CELF2: variants seen among roughly 807,000 people sequenced by gnomAD.
The protein encoded by CELF2 is CUGBP Elav-like family member 2.
In CELF2, 8 loss-of-function variants were observed where a neutral mutation model predicts 62.6. The ratio of observed to expected loss-of-function variants is 0.13; its 90% CI spans 0.07 to 0.23. The LOEUF (loss-of-function observed/expected upper bound fraction) is 0.23. Among genes scored for constraint, CELF2 ranks in the 10% least tolerant of loss-of-function variants. The pLI is 1.00. For synonymous variants in CELF2, 258 were observed against 250.0 expected (o/e 1.03, Z -0.30); for missense variants, 333 against 671.0 (o/e 0.50, Z 5.56).
chr10:10,575,318 C>T, the CELF2 span, among the ~76,000 whole-genome samples: 1 of 152,274 alleles, frequency 6.6e-6, no homozygotes, highest in African/African-American at 2.4e-5. Context: ...CTAATCCATG[C>T]TTTGCATTTA....
At position 11,039,111 on chromosome 10, in the gene CELF2, G is replaced by A. The variant is rs57813983; in HGVS notation, c.74+20948G>A. Among the ~76,000 whole-genome samples, 43 of 152,280 alleles carry A rather than the reference G, an allele frequency of 2.8e-4. No individual in the cohort carries two copies. The East Asian group carries it at 5.8e-3, about 21-fold the overall frequency. On this transcript the variant is annotated intron_variant, in intron 1 of 12. Transcript: ENST00000633077. This position sits in a 1 kb window ranked among gnomAD's most constrained non-coding sequence, Gnocchi z 4.1. ...ACTCTCATGGCATCGACCATGTAAC[G>A]GCGATAACAGCCGAGTCCTGTGTCA...
chr10:10,886,033 C>T (rs1317549064), intron 1 of CELF2, among the ~76,000 whole-genome samples: 1 of 152,206 alleles, frequency 6.6e-6, no homozygotes, highest in African/African-American at 2.4e-5. Context: ...AAGAACTCAT[C>T]TTTCCCACGT....
chr10:11,159,168 GT>G lies in CELF2; in HGVS notation c.75-6315del, dbSNP rs2065147452. On this transcript the variant is annotated intron_variant, in intron 1 of 12. Transcript: ENST00000633077. This position sits in a 1 kb window ranked among gnomAD's most constrained non-coding sequence, Gnocchi z 5.0. The stretch of plus-strand genomic sequence containing the variant: ...AATTTATGTGGCAGTGACTCAAAAG[GT>G]TTAGTACACATGATAAATGGTAACA... Among the ~76,000 whole-genome samples the G allele has an allele frequency of 1.3e-5, 2 of 152,200 alleles. No individual in the cohort carries two copies. Among genetic ancestry groups the G allele is most frequent in the South Asian group, 4.1e-4 (2 of 4,830 alleles).
the CELF2 span, among the ~76,000 whole-genome samples, chr10:10,577,804 T>A: frequency 1.3e-5 from 2 of 152,192 alleles, no homozygotes; most frequent in South Asian, 4.2e-4. Context: ...ATTGTGAATA[T>A]TGCCACAATA....
chr10:10,950,575 A>G (rs945039546), intron 2 of CELF2, among the ~76,000 whole-genome samples: 2 of 152,174 alleles, frequency 1.3e-5, no homozygotes, highest in Non-Finnish European at 2.9e-5. Context: ...CATATAGAAG[A>G]ATGGCAGAAT....
At chr10:11,006,078 G>C (rs2055208360) in intron 1 of CELF2, among the ~76,000 whole-genome samples, 1 of 152,104 alleles carries the variant, frequency 6.6e-6, no homozygotes, top group African/African-American at 2.4e-5. Flanking sequence ...CTGACCTTTT[G>C]GGAAGCAGAG....
intron 7 of CELF2, 100 bp from the exon 8 acceptor site, chr10:11,274,957 A>T (rs2085441231): frequency 1.7e-6 from 2 of 1,155,674 alleles, no homozygotes; most frequent in African/African-American, 3.0e-5. Flanking sequence ...AGTAGCAACC[A>T]ACCCTGGAAA....
intron 1 of CELF2, among the ~76,000 whole-genome samples, chr10:10,894,974 G>A (rs753643641): frequency 1.8e-4 from 28 of 152,268 alleles, no homozygotes; most frequent in Non-Finnish European, 2.8e-4. Flanking sequence ...ATATGAGTCC[G>A]TATTCATTGA....
chr10:11,019,117 C>T (rs2057869136), intron 1 of CELF2, among the ~76,000 whole-genome samples: 1 of 152,126 alleles, frequency 6.6e-6, no homozygotes. Context: ...TAATTTTTAG[C>T]TGGCTTGATA....
At chr10:10,540,177 T>C in the CELF2 span, among the ~76,000 whole-genome samples, 3 of 152,180 alleles carry the variant, frequency 2.0e-5, no homozygotes, top group African/African-American at 4.8e-5. Context: ...AAAGTGAAGT[T>C]TTAACAGTGT....
intron 2 of CELF2, among the ~76,000 whole-genome samples, chr10:10,961,521 C>A (rs1040822265): frequency 6.6e-6 from 1 of 151,578 alleles, no homozygotes; most frequent in South Asian, 2.1e-4. Flanking sequence ...CTGAGGTGAG[C>A]GGATCACGTG....
At chr10:10,528,207 A>G in the CELF2 span, among the ~76,000 whole-genome samples, 3 of 152,160 alleles carry the variant, frequency 2.0e-5, no homozygotes, top group Non-Finnish European at 4.4e-5. Flanking sequence ...ATACAGCAGA[A>G]AGGAATAAGT....
intron 1 of CELF2, among the ~76,000 whole-genome samples, chr10:11,151,877 C>T (rs1474049702): frequency 6.6e-6 from 1 of 152,244 alleles, no homozygotes; most frequent in Non-Finnish European, 1.5e-5. Flanking sequence ...TCACTCGGGT[C>T]ATGCTCCATC....
At position 11,316,192 on chromosome 10, in the gene CELF2, T is replaced by G. The variant is rs1308872763; in HGVS notation, c.1096+1934T>G. 3.3e-5 allele frequency among the ~76,000 whole-genome samples: 5 copies of G among 152,248 alleles called. No individual in the cohort carries two copies. Among genetic ancestry groups the G allele is most frequent in the Admixed American group, 2.0e-4 (3 of 15,292 alleles). On this transcript the variant is annotated intron_variant, in intron 10 of 12. Transcript: ENST00000633077. This position sits in a 1 kb window ranked among gnomAD's most constrained non-coding sequence, Gnocchi z 4.4. ...CAAGGACAACAGGCTTAAATTGTTT[T>G]GCTTTTTAAAATTCTTTGCCAATGG...
chr10:10,931,656 T>C lies in CELF2; in HGVS notation c.89+11657T>C, dbSNP rs1015740315. ...TTTCAACGTAATAGGTTTCTGCGTA[T>C]GGTTTACAAGTTTTTAAAATACATA... On this transcript the variant is annotated intron_variant, in intron 2 of 13. Transcript: ENST00000636488. The surrounding 1 kb of genome is among the most constrained non-coding windows in gnomAD (Gnocchi z 6.1). Among the ~76,000 whole-genome samples the C allele has an allele frequency of 1.3e-5, 2 of 152,230 alleles. No individual in the cohort carries two copies. Among genetic ancestry groups the C allele is most frequent in the South Asian group, 4.1e-4 (2 of 4,834 alleles).
chr10:11,270,346 G>A lies in CELF2; in HGVS notation c.619-320G>A, dbSNP rs956666862. 5.3e-5 allele frequency among the ~76,000 whole-genome samples: 8 copies of A among 152,154 alleles called. No individual in the cohort carries two copies. The highest frequency in any genetic ancestry group is 4.4e-5 in the Non-Finnish European group (3 of 68,034). ...TGAGAAGCTCAATTAAAGAACCTTGGTAAGGTCTGTTGTCTGTAAGGAGGT... is the reference window on the plus strand; with the variant it reads ...TGAGAAGCTCAATTAAAGAACCTTGATAAGGTCTGTTGTCTGTAAGGAGGT... On this transcript the variant is annotated intron_variant, in intron 6 of 12. Transcript: ENST00000633077. The surrounding 1 kb of genome is among the most constrained non-coding windows in gnomAD (Gnocchi z 5.8).
chr10:10,491,606 A>G, the CELF2 span, among the ~76,000 whole-genome samples: 1 of 152,208 alleles, frequency 6.6e-6, no homozygotes, highest in Non-Finnish European at 1.5e-5. Flanking sequence ...TCTTACTTTC[A>G]TGATGGAGCA....
In CELF2 at chr10:11,218,209, T is replaced by C. The variant is rs1329216064; in HGVS notation, c.354+702T>C. Among the ~76,000 whole-genome samples, 3 of 152,248 alleles carry C rather than the reference T, an allele frequency of 2.0e-5. No individual in the cohort carries two copies. The East Asian group carries it at 5.8e-4, about 29-fold the overall frequency. ...TATTAATTTCCTGATGCTGTTTGAA[T>C]GTTTTCCCCATTGACCCAAATATCA... On this transcript the variant is annotated intron_variant, in intron 3 of 12. Transcript: ENST00000633077.
rs1240378784 is a variant in CELF2, at chr10:11,196,986, AAAGAAAGG to A, written c.272-20435_272-20428del. Among the ~76,000 whole-genome samples, 37 of 73,650 alleles carry A rather than the reference AAAGAAAGG, an allele frequency of 5.0e-4. 6 individuals are homozygous for A. Among genetic ancestry groups the A allele is most frequent in the African/African-American group, 1.8e-3 (37 of 20,738 alleles). The allele number at this position is 73,650 out of a possible 152,430, so 48.3% of individuals were successfully genotyped here. On this transcript the variant is annotated intron_variant, in intron 2 of 12. Transcript: ENST00000633077. ...AAGAAAAAGAAAGAAAGAGAGAAAGAAAGAAAGGAAGGAAGGAGAAAGAAAGAAAGAAA... is the reference window on the plus strand; with the variant it reads ...AAGAAAAAGAAAGAAAGAGAGAAAGAAAGGAAGGAGAAAGAAAGAAAGAAA...
Sources: allele counts gnomAD v4.1 joint callset (sites outside exome capture counted in the v4.1 genomes callset), GRCh38; gene constraint gnomAD v4.1.1; non-coding constraint Gnocchi (gnomAD v3.1); transcripts MANE v1.5; gene names NCBI Gene and HGNC (gene_info 2026-07-23, HGNC 2026-07-21).